EPHA5: variants seen among roughly 807,000 people sequenced by gnomAD.
EPHA5 encodes the protein EPH receptor A5.
A neutral mutation model predicts 105.0 loss-of-function variants in EPHA5; 60 were observed. The observed-to-expected ratio is 0.57, with a 90% CI of 0.46 to 0.71. The LOEUF is 0.71. Among genes scored for constraint, EPHA5 ranks in the 30% least tolerant of loss-of-function variants. The pLI, the probability that EPHA5 is intolerant of heterozygous loss-of-function variation, is 0.00. For synonymous variants in EPHA5, 513 were observed against 449.1 expected (o/e 1.14, Z -1.80); for missense variants, 1,218 against 1,274.7 (o/e 0.96, Z 0.68).
At chr4:65,349,910 T>C (rs1274629325) in intron 13 of EPHA5, among the ~76,000 whole-genome samples, 1 of 152,222 alleles carries the variant, frequency 6.6e-6, no homozygotes, top group East Asian at 1.9e-4. Context: ...TCATCCTTCA[T>C]GTCTTCAATA....
chr4:65,475,797 T>C (rs1729739013), intron 5 of EPHA5, among the ~76,000 whole-genome samples: 1 of 152,158 alleles, frequency 6.6e-6, no homozygotes, highest in Non-Finnish European at 1.5e-5. Context: ...GCAAATCTGT[T>C]TGCAACCAGA....
chr4:65,603,966 G>T (rs970802990), intron 2 of EPHA5, among the ~76,000 whole-genome samples: 1 of 145,464 alleles, frequency 6.9e-6, no homozygotes, highest in Admixed American at 7.0e-5. Context: ...AAAAGAATAT[G>T]TCAACTAACC....
chr4:65,421,205 T>A (rs1723915247), intron 5 of EPHA5, among the ~76,000 whole-genome samples: 1 of 152,130 alleles, frequency 6.6e-6, no homozygotes, highest in African/African-American at 2.4e-5. Flanking sequence ...AAACCACCAC[T>A]TGTCTAATGA....
At chr4:65,454,733 A>C (rs188376577) in intron 5 of EPHA5, among the ~76,000 whole-genome samples, 43 of 152,352 alleles carry the variant, frequency 2.8e-4, no homozygotes, top group African/African-American at 9.9e-4. Flanking sequence ...GCAAAAGTTC[A>C]GTTTAAAACT....
At chr4:65,657,560 G>A (rs925748752) in intron 1 of EPHA5, among the ~76,000 whole-genome samples, 2 of 151,980 alleles carry the variant, frequency 1.3e-5, no homozygotes, top group South Asian at 2.1e-4. Flanking sequence ...GAATTAACTC[G>A]CTTTGGTTGG....
chr4:65,420,590 C>A (rs1200137227), intron 5 of EPHA5, 25 bp from the exon 6 acceptor site: 14 of 1,606,880 alleles, frequency 8.7e-6, no homozygotes, highest in Non-Finnish European at 1.1e-5. Context: ...AAATAAGGAG[C>A]AGTATGATTA....
At chr4:65,489,320 A>T (rs1247744741) in intron 5 of EPHA5, among the ~76,000 whole-genome samples, 1 of 152,198 alleles carries the variant, frequency 6.6e-6, no homozygotes, top group Non-Finnish European at 1.5e-5. Context: ...CAAGGCTAGC[A>T]TCCCGCAACC....
chr4:65,328,940 A>T (rs1720340820), intron 16 of EPHA5, among the ~76,000 whole-genome samples: 1 of 151,252 alleles, frequency 6.6e-6, no homozygotes, highest in African/African-American at 2.4e-5. Context: ...TTAGTTTAAG[A>T]TTCTATTCCA....
chr4:65,348,815 A>ATATTTTTTT lies in EPHA5; in HGVS notation c.2446-613_2446-612insAAAAAAATA, dbSNP rs71657404. 1.3e-3 allele frequency among the ~76,000 whole-genome samples: 83 copies of ATATTTTTTT among 64,106 alleles called. 6 individuals carry two copies. Among genetic ancestry groups the ATATTTTTTT allele is most frequent in the Non-Finnish European group, 1.8e-3 (66 of 37,252 alleles). 42.1% of individuals were successfully genotyped at this position (64,106 alleles called of 152,430 possible). A position where few individuals can be genotyped will look rare whatever the true frequency, so the allele number is the denominator to read the frequency against. ...TGTGTATATATATATATATATATAT[A>ATATTTTTTT]TTTTTTTTTTTTTTTTTTGAGACAG... is the stretch of plus-strand genomic sequence containing the variant. On this transcript the variant is annotated intron_variant, in intron 13 of 16. Coordinates refer to ENST00000613740, the MANE Select transcript of EPHA5 (RefSeq NM_001281766.3).
chr4:65,547,468 T>G (rs1737490172), intron 3 of EPHA5, among the ~76,000 whole-genome samples: 1 of 152,018 alleles, frequency 6.6e-6, no homozygotes, highest in Non-Finnish European at 1.5e-5. Flanking sequence ...TGGTCTAAAA[T>G]AGTTCATAAT....
At chr4:65,432,053 A>G (rs1012348980) in intron 5 of EPHA5, among the ~76,000 whole-genome samples, 14 of 152,196 alleles carry the variant, frequency 9.2e-5, no homozygotes, top group Non-Finnish European at 8.8e-5. Context: ...GTTTACTTGT[A>G]GATGAACTTT....
At chr4:65,574,072 G>T in intron 3 of EPHA5, 2 of 1,602,764 alleles carry the variant, frequency 1.2e-6, no homozygotes, top group Non-Finnish European at 1.7e-6. Context: ...ATCGATATCA[G>T]CAATGTAAAA....
At chr4:65,635,396 G>A (rs936365751) in intron 2 of EPHA5, among the ~76,000 whole-genome samples, 1 of 152,032 alleles carries the variant, frequency 6.6e-6, no homozygotes, top group African/African-American at 2.4e-5. Flanking sequence ...TTAAAATGAT[G>A]TTTATATTCT....
chr4:65,636,958 A>G, intron 2 of EPHA5, among the ~76,000 whole-genome samples: 1 of 152,082 alleles, frequency 6.6e-6, no homozygotes, highest in African/African-American at 2.4e-5. Context: ...TGTTGAATGA[A>G]TAAATGCAGC....
chr4:65,553,487 T>G (rs1738115008), intron 3 of EPHA5, among the ~76,000 whole-genome samples: 1 of 152,130 alleles, frequency 6.6e-6, no homozygotes, highest in African/African-American at 2.4e-5. Flanking sequence ...TTTATATCAC[T>G]GAAATTCTAG....
At chr4:65,372,141 G>A (rs1167828795) in intron 8 of EPHA5, among the ~76,000 whole-genome samples, 1 of 151,886 alleles carries the variant, frequency 6.6e-6, no homozygotes, top group Non-Finnish European at 1.5e-5. Context: ...ATTGCATAAT[G>A]TTGTATATAA....
rs1378642125 is a variant in EPHA5, at chr4:65,320,347, C to T, written c.*3767G>A. ...TCTTCATCATCATCATCATCATCATCATCAGGATCATCATCATATTGTACC... is the reference window on the plus strand; with the variant it reads ...TCTTCATCATCATCATCATCATCATTATCAGGATCATCATCATATTGTACC... On this transcript the variant is annotated 3_prime_UTR_variant, in exon 17 of 17. Coordinates refer to ENST00000613740, the MANE Select transcript of EPHA5 (RefSeq NM_001281766.3). 1 of 229,946 alleles carries T rather than the reference C, an allele frequency of 4.3e-6. No individual in the cohort carries two copies. Among genetic ancestry groups the T allele is most frequent in the African/African-American group, 2.2e-5 (1 of 44,866 alleles). 14.2% of individuals were successfully genotyped at this position (229,946 alleles called of 1,614,324 possible). A position where few individuals can be genotyped will look rare whatever the true frequency, so the allele number is the denominator to read the frequency against.
intron 2 of EPHA5, among the ~76,000 whole-genome samples, chr4:65,610,688 A>T (rs1282940920): frequency 1.3e-5 from 2 of 152,202 alleles, no homozygotes; most frequent in Non-Finnish European, 2.9e-5. Flanking sequence ...AAATTAATAA[A>T]CTGAATAAAA....
intron 3 of EPHA5, among the ~76,000 whole-genome samples, chr4:65,546,216 T>G (rs1037616444): frequency 9.9e-5 from 15 of 152,004 alleles, no homozygotes; most frequent in African/African-American, 3.4e-4. Context: ...AGCACTGAGA[T>G]TCTCAATTCT....
Sources: allele counts gnomAD v4.1 joint callset (sites outside exome capture counted in the v4.1 genomes callset), GRCh38; gene constraint gnomAD v4.1.1; transcripts MANE v1.5; gene names NCBI Gene and HGNC (gene_info 2026-07-23, HGNC 2026-07-21).